Variants in FOXP1 observed in about 807,000 individuals in gnomAD.
The protein encoded by FOXP1 is forkhead box P1.
FOXP1 carries 15 observed loss-of-function variants against 98.2 expected under a neutral mutation model. That is an observed-to-expected ratio of 0.15 (90% CI 0.10 to 0.24). The LOEUF (loss-of-function observed/expected upper bound fraction) is 0.24. Ranked by LOEUF, FOXP1 falls within the 10% of genes least tolerant of loss-of-function variation. FOXP1 has a pLI of 1.00. For synonymous variants in FOXP1, 371 were observed against 314.5 expected, an observed-to-expected ratio of 1.18 and a Z score of -1.90; for missense variants, 633 against 848.5, an observed-to-expected ratio of 0.75 and a Z score of 3.15.
intron 4 of FOXP1, among the ~76,000 whole-genome samples, chr3:71,348,611 T>C (rs1406685490): frequency 6.6e-6 from 1 of 151,482 alleles, no homozygotes; most frequent in Non-Finnish European, 1.5e-5. Context: ...TGTATGTGTG[T>C]GCACACGCAT....
intron 4 of FOXP1, among the ~76,000 whole-genome samples, chr3:71,308,940 A>ACC (rs2074497700): frequency 6.6e-6 from 1 of 152,128 alleles, no homozygotes; most frequent in Non-Finnish European, 1.5e-5. Context: ...TCCTTTTAGT[A>ACC]GGGAATAAAT....
At chr3:71,109,694 T>G (rs182860985) in intron 7 of FOXP1, among the ~76,000 whole-genome samples, 1 of 152,180 alleles carries the variant, frequency 6.6e-6, no homozygotes, top group African/African-American at 2.4e-5. Flanking sequence ...CACCAGTCTA[T>G]ATGCATATTT....
chr3:70,970,970 G>A (rs187686003), intron 18 of FOXP1, 165 bp from the exon 19 acceptor site: 83 of 664,142 alleles, frequency 1.2e-4, no homozygotes, highest in Middle Eastern at 1.2e-3. Context: ...TTTGCAGGGC[G>A]GGTGTGTGTG....
chr3:70,979,807 G>C (rs1379466014), intron 14 of FOXP1, among the ~76,000 whole-genome samples: 1 of 150,176 alleles, frequency 6.7e-6, no homozygotes, highest in African/African-American at 2.4e-5. Flanking sequence ...AGGGGGGCCT[G>C]AGAATCCTCT....
intron 6 of FOXP1, among the ~76,000 whole-genome samples, chr3:71,163,685 C>T (rs2061256752): frequency 2.0e-5 from 3 of 152,184 alleles, no homozygotes; most frequent in Middle Eastern, 6.8e-3. Context: ...ACAACAAAAC[C>T]TTATATTCTG....
At chr3:71,539,970 T>C (rs147569618) in intron 2 of FOXP1, among the ~76,000 whole-genome samples, 2 of 152,218 alleles carry the variant, frequency 1.3e-5, no homozygotes, top group African/African-American at 4.8e-5. Context: ...ATAGTAGACA[T>C]CTAAATAAAC....
intron 3 of FOXP1, among the ~76,000 whole-genome samples, chr3:71,414,788 A>G (rs1352071206): frequency 6.6e-6 from 1 of 152,240 alleles, no homozygotes; most frequent in Non-Finnish European, 1.5e-5. Context: ...ACAATCACAG[A>G]GCATGCAAAA....
intron 6 of FOXP1, among the ~76,000 whole-genome samples, chr3:71,162,171 T>A (rs1479344738): frequency 6.6e-6 from 1 of 152,220 alleles, no homozygotes; most frequent in African/African-American, 2.4e-5. Context: ...TTACAATTTT[T>A]TAAAATTCTG....
intron 5 of FOXP1, among the ~76,000 whole-genome samples, chr3:71,293,922 T>C (rs2073023477): frequency 6.6e-6 from 1 of 152,212 alleles, no homozygotes; most frequent in Non-Finnish European, 1.5e-5. Flanking sequence ...TTCTCTTAGA[T>C]TTAAAAATAA....
At chr3:71,005,703 A>C (rs757062038) in intron 12 of FOXP1, among the ~76,000 whole-genome samples, 48 of 152,142 alleles carry the variant, frequency 3.2e-4, no homozygotes, top group Non-Finnish European at 6.3e-4. Context: ...AGCGCATAAA[A>C]AGCAGACGTG....
At chr3:71,055,921 T>C (rs1208350434) in intron 7 of FOXP1, among the ~76,000 whole-genome samples, 1 of 152,152 alleles carries the variant, frequency 6.6e-6, no homozygotes, top group Admixed American at 6.5e-5. Flanking sequence ...AATAGGGTGG[T>C]GTAAAATCTA....
chr3:71,570,028 G>A (rs965454495), intron 2 of FOXP1, among the ~76,000 whole-genome samples: 6 of 152,020 alleles, frequency 3.9e-5, no homozygotes, highest in East Asian at 1.9e-4. Context: ...CACCCGCCTC[G>A]GCCTCAGTCT....
chr3:71,412,687 G>C (rs1202515507), intron 3 of FOXP1, among the ~76,000 whole-genome samples: 2 of 152,102 alleles, frequency 1.3e-5, no homozygotes, highest in African/African-American at 4.8e-5. Flanking sequence ...CTTAACACAG[G>C]TTGTAGTCCC....
chr3:71,194,367 AAT>A (rs2063178265), intron 6 of FOXP1, among the ~76,000 whole-genome samples: 1 of 152,108 alleles, frequency 6.6e-6, no homozygotes, highest in Admixed American at 6.5e-5. Context: ...ATTTTTATTG[AAT>A]AAACATTTTC....
chr3:71,321,089 C>T (rs950682095), intron 4 of FOXP1, among the ~76,000 whole-genome samples: 4 of 149,372 alleles, frequency 2.7e-5, no homozygotes, highest in African/African-American at 9.8e-5. Flanking sequence ...ATTACCCTCC[C>T]GCTACTAACA....
chr3:71,388,606 A>G (rs1249181813), intron 3 of FOXP1, among the ~76,000 whole-genome samples: 1 of 152,234 alleles, frequency 6.6e-6, no homozygotes, highest in Admixed American at 6.5e-5. Flanking sequence ...GAAAAATTAA[A>G]TGAAGTTTCC....
intron 2 of FOXP1, among the ~76,000 whole-genome samples, chr3:71,495,450 C>A (rs2091338467): frequency 6.6e-6 from 1 of 152,042 alleles, no homozygotes; most frequent in Non-Finnish European, 1.5e-5. Context: ...AGAAAAATGC[C>A]CAGCTCATAG....
At chr3:71,453,393 T>C (rs1423795872) in intron 3 of FOXP1, among the ~76,000 whole-genome samples, 1 of 152,304 alleles carries the variant, frequency 6.6e-6, no homozygotes. Flanking sequence ...TCAAGCTGAA[T>C]GATATATGCA....
intron 3 of FOXP1, among the ~76,000 whole-genome samples, chr3:71,381,455 T>TA (rs2080173539): frequency 6.8e-6 from 1 of 147,270 alleles, no homozygotes; most frequent in Non-Finnish European, 1.5e-5. Flanking sequence ...TTTTTTTTTT[T>TA]TTTTTGAGAC....
Sources: gnomAD v4.1 joint callset for allele counts (sites outside exome capture counted in the v4.1 genomes callset) on GRCh38, gnomAD v4.1.1 for gene constraint, MANE v1.5 for transcripts, NCBI Gene and HGNC (gene_info 2026-07-23, HGNC 2026-07-21) for gene names.